Variants in COP1 observed in about 807,000 individuals in gnomAD.
COP1 encodes COP1 E3 ubiquitin ligase, also known as E3 ubiquitin-protein ligase COP1.
COP1 carries 24 observed loss-of-function variants against 101.3 expected under a neutral mutation model. The ratio of observed to expected loss-of-function variants is 0.24; its 90% CI spans 0.17 to 0.33. The LOEUF (loss-of-function observed/expected upper bound fraction) is 0.33, where lower values mean the gene tolerates loss of function less well. Among genes scored for constraint, COP1 ranks in the 10% least tolerant of loss-of-function variants. COP1 has a pLI of 1.00. For missense variants in COP1, 663 were observed against 906.2 expected, an observed-to-expected ratio of 0.73 and a Z score of 3.45; for synonymous variants, 347 against 341.9, an observed-to-expected ratio of 1.01 and a Z score of -0.17.
chr1:176,039,592 AT>A (rs1351123446), intron 14 of COP1, among the ~76,000 whole-genome samples: 7 of 146,792 alleles, frequency 4.8e-5, no homozygotes. Flanking sequence ...AAAAAAAAAA[AT>A]TACCTTAAAA....
Position 176,207,120 on chromosome 1 carries a change from C to A in COP1, c.-142G>T. ...GTGGGGCTGAGGAACAATAAAGTTG[C>A]GTTTTTTTTTAAGGCAGCCACACAA... On this transcript the variant is annotated 5_prime_UTR_variant, in exon 1 of 20. Transcript: ENST00000367669. 1.6e-6 allele frequency: 1 copy of A among 618,624 alleles called. No homozygotes were observed. Among genetic ancestry groups the A allele is most frequent in the Non-Finnish European group, 2.4e-6 (1 of 410,504 alleles). 38.3% of individuals were successfully genotyped at this position (618,624 alleles called of 1,614,324 possible).
chr1:176,139,447 G>C (rs1426349749), intron 6 of COP1, among the ~76,000 whole-genome samples: 1 of 152,050 alleles, frequency 6.6e-6, no homozygotes, highest in Non-Finnish European at 1.5e-5. Context: ...ATTTGACCGA[G>C]TAATTCCATT....
intron 10 of COP1, among the ~76,000 whole-genome samples, chr1:176,085,505 T>C (rs1377169494): frequency 6.6e-6 from 1 of 152,172 alleles, no homozygotes; most frequent in Non-Finnish European, 1.5e-5. Flanking sequence ...AAACTTATTT[T>C]TGTTGGCTAC....
intron 18 of COP1, among the ~76,000 whole-genome samples, chr1:175,951,642 TGA>T (rs1266203616): frequency 1.3e-5 from 2 of 151,918 alleles, no homozygotes; most frequent in Non-Finnish European, 2.9e-5. Flanking sequence ...GGTTTTCTAC[TGA>T]GAGGCAATTT....
At chr1:176,025,844 C>T (rs781562680) in intron 15 of COP1, among the ~76,000 whole-genome samples, 9 of 151,812 alleles carry the variant, frequency 5.9e-5, no homozygotes, top group Non-Finnish European at 7.4e-5. Flanking sequence ...GAGCTGTGAT[C>T]GTGCCACTGT....
intron 15 of COP1, among the ~76,000 whole-genome samples, chr1:175,996,307 A>C (rs1396963891): frequency 6.6e-6 from 1 of 152,266 alleles, no homozygotes; most frequent in Non-Finnish European, 1.5e-5. Flanking sequence ...AATGGGCAAA[A>C]ACTGGAAGCA....
intron 18 of COP1, among the ~76,000 whole-genome samples, chr1:175,977,934 C>T (rs555071848): frequency 1.4e-4 from 21 of 151,962 alleles, no homozygotes; most frequent in Non-Finnish European, 2.6e-4. Flanking sequence ...ATTCACTTTC[C>T]TTCTTTCTAC....
chr1:176,182,655 AC>A (rs879459130), intron 2 of COP1, among the ~76,000 whole-genome samples: 6 of 152,208 alleles, frequency 3.9e-5, no homozygotes, highest in Admixed American at 1.3e-4. Flanking sequence ...TCTGAAAAAA[AC>A]ATATGGTTTC....
chr1:175,957,772 G>C (rs927576406), intron 18 of COP1, among the ~76,000 whole-genome samples: 5 of 152,104 alleles, frequency 3.3e-5, no homozygotes, highest in Non-Finnish European at 7.4e-5. Flanking sequence ...TTCAAAACTG[G>C]AAACAAGGGC....
In COP1 at chr1:176,007,453, T is replaced by C. The variant is rs560475937; in HGVS notation, c.1730-17974A>G. On this transcript the variant is annotated intron_variant, in intron 15 of 19. Coordinates refer to ENST00000367669, the MANE Select transcript of COP1 (RefSeq NM_022457.7). ...TAGAGTTTCCAGTTTTTCTGTTCTG[T>C]TTTTTTCCCATCTTTGTGGTTTTAT... Among the ~76,000 whole-genome samples the C allele has an allele frequency of 3.4e-3, 522 of 151,940 alleles. 3 individuals are homozygous for C. The highest frequency in any genetic ancestry group is 0.014 in the Middle Eastern group (4 of 294).
At chr1:176,045,590 A>G (rs570553605) in intron 12 of COP1, among the ~76,000 whole-genome samples, 11 of 151,594 alleles carry the variant, frequency 7.3e-5, no homozygotes, top group African/African-American at 2.7e-4. Flanking sequence ...GGAAAAAAAA[A>G]AAAAAAAAAG....
intron 8 of COP1, among the ~76,000 whole-genome samples, chr1:176,134,582 C>G (rs1689495948): frequency 6.6e-6 from 1 of 151,916 alleles, no homozygotes; most frequent in Non-Finnish European, 1.5e-5. Context: ...GTCTACTGCC[C>G]TCATTTTAAA....
At chr1:176,022,048 A>C (rs1666843721) in intron 15 of COP1, among the ~76,000 whole-genome samples, 1 of 152,218 alleles carries the variant, frequency 6.6e-6, no homozygotes, top group Non-Finnish European at 1.5e-5. Flanking sequence ...TTTTCATTTT[A>C]ATTAATGTAT....
chr1:175,984,767 T>A (rs1656711232), intron 18 of COP1, among the ~76,000 whole-genome samples: 1 of 152,194 alleles, frequency 6.6e-6, no homozygotes, highest in African/African-American at 2.4e-5. Flanking sequence ...CAGTGTGACC[T>A]GGGTGTGAGA....
In COP1 at chr1:176,036,499, C is replaced by CA. The variant is rs1381095987; in HGVS notation, c.1612+6686dup. Reference sequence around the variant, plus strand: ...AGCTTCTCAGAGGTAATGAAAAAAACAAAAAAACAAAAAAAAAAAAAAAAA... The same window carrying CA: ...AGCTTCTCAGAGGTAATGAAAAAAACAAAAAAAACAAAAAAAAAAAAAAAAA... On this transcript the variant is annotated intron_variant, in intron 14 of 19. Coordinates refer to ENST00000367669, the MANE Select transcript of COP1 (RefSeq NM_022457.7). Among the ~76,000 whole-genome samples the CA allele has an allele frequency of 4.5e-4, 57 of 125,346 alleles. 2 individuals carry two copies. The highest frequency in any genetic ancestry group is 1.5e-3 in the Admixed American group (20 of 13,128). 82.2% of individuals were successfully genotyped at this position (125,346 alleles called of 152,430 possible). A position where few individuals can be genotyped will look rare whatever the true frequency, so the allele number is the denominator to read the frequency against.
chr1:176,064,750 C>T (rs1246770795), intron 11 of COP1, among the ~76,000 whole-genome samples: 2 of 151,966 alleles, frequency 1.3e-5, no homozygotes. Flanking sequence ...ACCTCCCAGA[C>T]TCAATCGATG....
chr1:175,948,904 C>T (rs1052614113), intron 18 of COP1, among the ~76,000 whole-genome samples: 2 of 149,182 alleles, frequency 1.3e-5, no homozygotes, highest in African/African-American at 4.9e-5. Flanking sequence ...GTGGCTCACA[C>T]CTGTAATCCC....
intron 11 of COP1, among the ~76,000 whole-genome samples, chr1:176,065,915 C>T (rs1424769455): frequency 5.3e-5 from 8 of 151,938 alleles, no homozygotes. Context: ...ATCATGCTGG[C>T]CAGGCCGATC....
At chr1:176,076,256 T>C (rs1308325794) in intron 11 of COP1, among the ~76,000 whole-genome samples, 1 of 151,996 alleles carries the variant, frequency 6.6e-6, no homozygotes, top group Non-Finnish European at 1.5e-5. Context: ...AAAAAAATCA[T>C]AATCACACCA....
Sources: allele counts gnomAD v4.1 joint callset (sites outside exome capture counted in the v4.1 genomes callset), GRCh38; gene constraint gnomAD v4.1.1; transcripts MANE v1.5; gene names NCBI Gene and HGNC (gene_info 2026-07-23, HGNC 2026-07-21).